The following FRMD4B variants were observed in gnomAD, a reference collection of about 807,000 sequenced individuals.
FRMD4B encodes FERM domain containing 4B, also known as FERM domain-containing protein 4B.
A neutral mutation model predicts 141.5 loss-of-function variants in FRMD4B; 74 were observed. The ratio of observed to expected loss-of-function variants is 0.52; its 90% confidence interval spans 0.43 to 0.63. The LOEUF (loss-of-function observed/expected upper bound fraction) is 0.63, where lower values mean the gene tolerates loss of function less well. FRMD4B is among the 30% of genes least tolerant of loss of function. FRMD4B has a pLI of 0.00. For missense variants in FRMD4B, 1,366 were observed against 1,253.4 expected (o/e 1.09, Z -1.36); for synonymous variants, 506 against 467.9 (o/e 1.08, Z -1.05).
intron 5 of FRMD4B, among the ~76,000 whole-genome samples, chr3:69,281,831 A>AT (rs1446622176): frequency 1.8e-3 from 83 of 46,656 alleles, no homozygotes; most frequent in African/African-American, 4.4e-3. Flanking sequence ...CTCAAAAAAA[A>AT]AAAAAAAATA....
At chr3:69,475,366 C>G (rs896394916) in intron 1 of FRMD4B, among the ~76,000 whole-genome samples, 1 of 151,526 alleles carries the variant, frequency 6.6e-6, no homozygotes, top group African/African-American at 2.4e-5. Context: ...TTCCCCCCAC[C>G]CCACAACAGT....
At chr3:69,258,234 G>T (rs1559757570) in intron 5 of FRMD4B, among the ~76,000 whole-genome samples, 1 of 152,192 alleles carries the variant, frequency 6.6e-6, no homozygotes, top group Admixed American at 6.5e-5. Context: ...CCAAAGTGCT[G>T]GGGTTACAGG....
chr3:69,521,880 C>G (rs964059673), intron 1 of FRMD4B, among the ~76,000 whole-genome samples: 4 of 152,212 alleles, frequency 2.6e-5, no homozygotes, highest in African/African-American at 9.6e-5. Context: ...AGTAACACTA[C>G]CTCCCCACGT....
chr3:69,478,865 C>A (rs1485091877), intron 1 of FRMD4B, among the ~76,000 whole-genome samples: 1 of 151,688 alleles, frequency 6.6e-6, no homozygotes, highest in African/African-American at 2.4e-5. Context: ...TCACTCAGGA[C>A]TTGCTTTATG....
intron 2 of FRMD4B, among the ~76,000 whole-genome samples, chr3:69,394,747 C>T (rs1193407414): frequency 6.6e-6 from 1 of 152,158 alleles, no homozygotes; most frequent in Non-Finnish European, 1.5e-5. Context: ...ATTTACATAG[C>T]AAAGATTTGG....
chr3:69,344,580 CT>C (rs1011293403), intron 1 of FRMD4B, among the ~76,000 whole-genome samples: 5 of 152,172 alleles, frequency 3.3e-5, no homozygotes, highest in Non-Finnish European at 2.9e-5. Context: ...GACCACATAG[CT>C]TGTCAGTAAG....
intron 1 of FRMD4B, among the ~76,000 whole-genome samples, chr3:69,454,970 T>G (rs187190301): frequency 6.6e-6 from 1 of 152,218 alleles, no homozygotes. Flanking sequence ...TGTGTCTAGC[T>G]TGGAGTTCGT....
chr3:69,541,078 A>C (rs569710719), intron 1 of FRMD4B: 1 of 152,320 alleles, frequency 6.6e-6, no homozygotes, highest in African/African-American at 2.4e-5. Context: ...TAGGACGGGA[A>C]ACAGCACGTC....
At position 69,417,372 on chromosome 3, in the gene FRMD4B, T is replaced by C. The variant is rs560898250; in HGVS notation, c.-1+15262A>G. Among the ~76,000 whole-genome samples the C allele has an allele frequency of 4.6e-5, 7 of 152,358 alleles. No homozygotes were observed. The South Asian group carries it at 1.4e-3, about 32-fold the overall frequency. On this transcript the variant is annotated intron_variant, in intron 2 of 5. Transcript: ENST00000459638. Reference sequence around the variant, plus strand: ...TCTTCTTTTGAGAAGTGTCTGTTCATATCCTTCACCCACTTTTTGATGGGG... The same window carrying C: ...TCTTCTTTTGAGAAGTGTCTGTTCACATCCTTCACCCACTTTTTGATGGGG...
intron 11 of FRMD4B, among the ~76,000 whole-genome samples, chr3:69,210,232 T>C (rs2093062308): frequency 6.6e-6 from 1 of 152,246 alleles, no homozygotes; most frequent in South Asian, 2.1e-4. Flanking sequence ...CAGTATGTCA[T>C]TTTATCTCTG....
At chr3:69,316,715 A>C (rs1701814127) in intron 1 of FRMD4B, among the ~76,000 whole-genome samples, 1 of 152,222 alleles carries the variant, frequency 6.6e-6, no homozygotes, top group South Asian at 2.1e-4. Context: ...AGATATAAAA[A>C]AATAATGCTC....
intron 1 of FRMD4B, among the ~76,000 whole-genome samples, chr3:69,473,011 G>A (rs1498835): frequency 0.63 from 91,643 of 146,510 alleles, 29,906 homozygotes; most frequent in African/African-American, 0.82. Context: ...ATTTCTAAAG[G>A]AGAGAAATTT....
At chr3:69,320,406 G>A (rs1405387404) in intron 1 of FRMD4B, among the ~76,000 whole-genome samples, 1 of 151,952 alleles carries the variant, frequency 6.6e-6, no homozygotes, top group East Asian at 1.9e-4. Context: ...CCACCTGGGC[G>A]ACATAGTGAG....
chr3:69,346,032 C>T (rs977962279), intron 1 of FRMD4B, among the ~76,000 whole-genome samples: 8 of 152,068 alleles, frequency 5.3e-5, no homozygotes, highest in African/African-American at 1.9e-4. Flanking sequence ...CCAAACTTCT[C>T]CAAGCTAAAG....
chr3:69,340,193 A>G (rs1035370022), intron 1 of FRMD4B, among the ~76,000 whole-genome samples: 1 of 151,812 alleles, frequency 6.6e-6, no homozygotes, highest in African/African-American at 2.4e-5. Context: ...GCTCAGGGGT[A>G]CATGTACAGG....
intron 1 of FRMD4B, among the ~76,000 whole-genome samples, chr3:69,363,005 AAC>A (rs1289366374): frequency 1.4e-5 from 2 of 146,848 alleles, no homozygotes; most frequent in South Asian, 2.2e-4. Flanking sequence ...AAAAAAAAAA[AAC>A]AAACAAAAAG....
intron 1 of FRMD4B, among the ~76,000 whole-genome samples, chr3:69,513,493 A>G (rs1159648712): frequency 6.6e-6 from 1 of 152,136 alleles, no homozygotes. Context: ...AATAACACCA[A>G]TCCTCCCCAA....
chr3:69,212,359 C>CAAAAAAAAAAAAAAAAAAAAAAAAAAA (rs869309749), intron 11 of FRMD4B, among the ~76,000 whole-genome samples: 5 of 25,346 alleles, frequency 2.0e-4, no homozygotes, highest in Non-Finnish European at 2.6e-4. Flanking sequence ...AACCCCGTCT[C>CAAAAAAAAAAAAAAAAAAAAAAAAAAA]AAAAAAAAAA....
At chr3:69,332,742 A>ATTT (rs58437578) in intron 1 of FRMD4B, among the ~76,000 whole-genome samples, 13 of 67,510 alleles carry the variant, frequency 1.9e-4, no homozygotes, top group Non-Finnish European at 3.1e-4. Flanking sequence ...ACACCTGGCT[A>ATTT]TTTTTTTTTT....
Sources: allele counts gnomAD v4.1 joint callset (sites outside exome capture counted in the v4.1 genomes callset), GRCh38; gene constraint gnomAD v4.1.1; transcripts MANE v1.5; gene names NCBI Gene and HGNC (gene_info 2026-07-23, HGNC 2026-07-21).